Variants in ZKSCAN1 observed in about 807,000 individuals in gnomAD.
ZKSCAN1 encodes zinc finger with KRAB and SCAN domains 1, also known as zinc finger protein with KRAB and SCAN domains 1.
Under a neutral mutation model 51.6 loss-of-function variants are expected in ZKSCAN1, and 14 were observed. The observed-to-expected ratio is 0.27, with a 90% confidence interval of 0.18 to 0.42. ZKSCAN1 has a LOEUF of 0.42. Ranked by LOEUF, ZKSCAN1 falls within the 10% of genes least tolerant of loss-of-function variation. ZKSCAN1 has a pLI of 1.00. For synonymous variants in ZKSCAN1, 263 were observed against 261.5 expected (o/e 1.01, Z -0.06); for missense variants, 531 against 710.0 (o/e 0.75, Z 2.86).
At chr7:100,016,406 A>G (rs1392206634) in intron 1 of ZKSCAN1, among the ~76,000 whole-genome samples, 2 of 151,972 alleles carry the variant, frequency 1.3e-5, no homozygotes, top group Non-Finnish European at 2.9e-5. Context: ...TGGATTTTTC[A>G]ATTCTGGATA....
intron 1 of ZKSCAN1, among the ~76,000 whole-genome samples, chr7:100,022,117 C>T (rs936674192): frequency 2.0e-5 from 3 of 152,132 alleles, no homozygotes; most frequent in South Asian, 2.1e-4. Context: ...TGCAGTGGCG[C>T]GATCTCGGCT....
intron 3 of ZKSCAN1, chr7:100,024,511 T>C (rs1790733793): frequency 6.3e-6 from 4 of 631,446 alleles, no homozygotes. Context: ...GGAGGATTGC[T>C]TGAGCCCAGG....
At position 100,035,887 on chromosome 7, in the gene ZKSCAN1, T is replaced by C; in HGVS notation, c.*1690T>C. Reference sequence around the variant, plus strand: ...GTGTAAGTAGTCATCGCCACTCAAGTAGGACAAGGGTCCTACCCAAGGCTA... The same window carrying C: ...GTGTAAGTAGTCATCGCCACTCAAGCAGGACAAGGGTCCTACCCAAGGCTA... On this transcript the variant is annotated 3_prime_UTR_variant, in exon 6 of 6. Coordinates refer to ENST00000324306, the MANE Select transcript of ZKSCAN1 (RefSeq NM_003439.4). 1.0e-6 allele frequency: 1 copy of C among 985,384 alleles called. No individual in the cohort carries two copies. Among genetic ancestry groups the C allele is most frequent in the Non-Finnish European group, 1.2e-6 (1 of 829,938 alleles). The allele number at this position is 985,384 out of a possible 1,614,324, so 61.0% of individuals were successfully genotyped here.
intron 3 of ZKSCAN1, 103 bp downstream of exon 3, chr7:100,024,410 G>A (rs1337986015): frequency 3.0e-5 from 42 of 1,397,066 alleles, no homozygotes; most frequent in Non-Finnish European, 3.8e-5. Flanking sequence ...CCTGGGCAAC[G>A]TAGCGAGACC....
rs1334250002 is a variant in ZKSCAN1, at chr7:100,037,455, T to C, written c.*3258T>C. 1.0e-6 allele frequency: 1 copy of C among 985,400 alleles called. No homozygotes were observed. Among genetic ancestry groups the C allele is most frequent in the Non-Finnish European group, 1.2e-6 (1 of 829,930 alleles). The allele number at this position is 985,400 out of a possible 1,614,324, so 61.0% of individuals were successfully genotyped here. ...GGCATAAAAGTGAAACTGCTAAATATGTATAGAGAGGTTGACGTGTGATAC... is the reference window on the plus strand; with the variant it reads ...GGCATAAAAGTGAAACTGCTAAATACGTATAGAGAGGTTGACGTGTGATAC... On this transcript the variant is annotated 3_prime_UTR_variant, in exon 6 of 6. Transcript: ENST00000324306.
At chr7:100,042,277 C>T (rs1791618339), downstream of ZKSCAN1, among the ~76,000 whole-genome samples, 1 of 149,948 alleles carries the variant, frequency 6.7e-6, no homozygotes, top group Admixed American at 6.7e-5. Context: ...CGAGATCGCA[C>T]CACTGCACTC....
intron 1 of ZKSCAN1, among the ~76,000 whole-genome samples, chr7:100,020,622 C>T (rs1322370744): frequency 6.6e-6 from 1 of 152,144 alleles, no homozygotes; most frequent in Non-Finnish European, 1.5e-5. Context: ...TGCCATTGCA[C>T]TCCAGCCTGG....
intron 1 of ZKSCAN1, among the ~76,000 whole-genome samples, chr7:100,016,507 C>G (rs560410311): frequency 6.6e-6 from 1 of 152,168 alleles, no homozygotes; most frequent in African/African-American, 2.4e-5. Context: ...GCTGAGTGAC[C>G]TTGGATAAGA....
Position 100,037,992 on chromosome 7 carries a change from G to A in ZKSCAN1, c.*3795G>A, listed in dbSNP as rs1791435363. Reference sequence around the variant, plus strand: ...CTAAGATCATGCCACTGGCACTCCAGCCTTGAGTGACAGAGCGAGGCTCTG... The same window carrying A: ...CTAAGATCATGCCACTGGCACTCCAACCTTGAGTGACAGAGCGAGGCTCTG... On this transcript the variant is annotated 3_prime_UTR_variant, in exon 6 of 6. Coordinates refer to ENST00000324306, the MANE Select transcript of ZKSCAN1 (RefSeq NM_003439.4). 1.0e-6 allele frequency: 1 copy of A among 982,428 alleles called. No individual in the cohort carries two copies. The highest frequency in any genetic ancestry group is 1.2e-6 in the Non-Finnish European group (1 of 827,330). The allele number at this position is 982,428 out of a possible 1,614,324, so 60.9% of individuals were successfully genotyped here.
intron 5 of ZKSCAN1, among the ~76,000 whole-genome samples, chr7:100,030,806 C>T (rs757312592): frequency 6.6e-5 from 10 of 152,218 alleles, no homozygotes; most frequent in Non-Finnish European, 1.3e-4. Context: ...AACTACCAAG[C>T]ATCCTTCTGT....
At chr7:100,044,781 T>C (rs991998996), downstream of ZKSCAN1, 17 of 985,154 alleles carry the variant, frequency 1.7e-5, 1 homozygote, top group Admixed American at 8.6e-4. Context: ...TCAATTTCTT[T>C]AGCAAATGTC....
chr7:100,023,295 G>A (rs1790667924), intron 1 of ZKSCAN1, 124 bp from the exon 2 acceptor site: 4 of 511,884 alleles, frequency 7.8e-6, no homozygotes, highest in Non-Finnish European at 1.3e-5. Context: ...ACAGGCGTGA[G>A]CCACCACCCC....
At chr7:100,017,218 T>TAA (rs199676744) in intron 1 of ZKSCAN1, among the ~76,000 whole-genome samples, 1 of 151,070 alleles carries the variant, frequency 6.6e-6, no homozygotes, top group Admixed American at 6.6e-5. Context: ...GCAATTTATT[T>TAA]AAAAAAAAAT....
At chr7:100,021,812 G>A (rs544618390) in intron 1 of ZKSCAN1, among the ~76,000 whole-genome samples, 5 of 148,436 alleles carry the variant, frequency 3.4e-5, no homozygotes, top group Admixed American at 6.9e-5. Flanking sequence ...TGGCGTGATC[G>A]TAGCTGACTG....
downstream of ZKSCAN1, among the ~76,000 whole-genome samples, chr7:100,043,771 A>ATTTTTTTTT (rs772298225): frequency 3.4e-5 from 2 of 58,920 alleles, no homozygotes; most frequent in Non-Finnish European, 6.0e-5. Context: ...TTCTTTCTTG[A>ATTTTTTTTT]TTTTTTTTTT....
intron 4 of ZKSCAN1, 131 bp from the exon 5 acceptor site, chr7:100,030,118 A>T (rs1791044033): frequency 6.9e-6 from 10 of 1,454,386 alleles, no homozygotes; most frequent in Non-Finnish European, 9.4e-6. Context: ...CTCCACCCCC[A>T]GGTTCTGGCC....
At chr7:100,028,931 G>A (rs1021363318) in intron 3 of ZKSCAN1, among the ~76,000 whole-genome samples, 4 of 152,082 alleles carry the variant, frequency 2.6e-5, no homozygotes, top group South Asian at 4.2e-4. Flanking sequence ...TTGGGAGGCC[G>A]AGGCGGGCAG....
rs551890573 is a variant in ZKSCAN1, at chr7:100,039,173, G to A, written c.*4976G>A. ...CTAAAAATACAAAAATTAGCCGGGC[G>A]TGGTGGTGGGCGCCTGTAGTCCCAG... On this transcript the variant is annotated 3_prime_UTR_variant, in exon 6 of 6. Coordinates refer to ENST00000324306, the MANE Select transcript of ZKSCAN1 (RefSeq NM_003439.4). 76 of 264,500 alleles carry A rather than the reference G, an allele frequency of 2.9e-4. No individual in the cohort carries two copies. The highest frequency in any genetic ancestry group is 5.9e-4 in the Admixed American group (9 of 15,212). The allele number at this position is 264,500 out of a possible 1,614,324, so 16.4% of individuals were successfully genotyped here.
Position 100,034,371 on chromosome 7 carries a change from A to G in ZKSCAN1, c.*174A>G. The stretch of plus-strand genomic sequence containing the variant: ...TTCTGCCTTTATGTAGTAGTTGGGC[A>G]TATAATCCTTCCACACAGCCCCTGC... On this transcript the variant is annotated 3_prime_UTR_variant, in exon 6 of 6. Transcript: ENST00000324306. 2 of 1,360,178 alleles carry G rather than the reference A, an allele frequency of 1.5e-6. No homozygotes were observed. Among genetic ancestry groups the G allele is most frequent in the East Asian group, 2.7e-5 (1 of 37,164 alleles). The allele number at this position is 1,360,178 out of a possible 1,614,324, so 84.3% of individuals were successfully genotyped here. A position where few individuals can be genotyped will look rare whatever the true frequency, so the allele number is the denominator to read the frequency against.
Sources: gnomAD v4.1 joint callset for allele counts (sites outside exome capture counted in the v4.1 genomes callset) on GRCh38, gnomAD v4.1.1 for gene constraint, MANE v1.5 for transcripts, NCBI Gene and HGNC (gene_info 2026-07-23, HGNC 2026-07-21) for gene names.